Variants in SOX5 observed in about 807,000 individuals in gnomAD.
The protein encoded by SOX5 is transcription factor SOX-5.
SOX5 carries 9 observed loss-of-function variants against 92.0 expected under a neutral mutation model. That is an observed-to-expected ratio of 0.10 (90% confidence interval 0.06 to 0.17). The LOEUF (loss-of-function observed/expected upper bound fraction) is 0.17. Among genes scored for constraint, SOX5 ranks in the 10% least tolerant of loss-of-function variants. The probability of loss-of-function intolerance (pLI) is 1.00; values close to 1 mark genes in which losing one functional copy is unlikely to be tolerated. For synonymous variants in SOX5, 344 were observed against 336.3 expected (o/e 1.02, Z -0.25); for missense variants, 642 against 944.5 (o/e 0.68, Z 4.20).
At chr12:24,443,998 G>A (rs1056323176) in intron 1 of SOX5, among the ~76,000 whole-genome samples, 9 of 152,132 alleles carry the variant, frequency 5.9e-5, no homozygotes, top group South Asian at 2.1e-4. Context: ...TTAAACTAGC[G>A]TTTACCTACC....
chr12:23,872,467 G>A (rs1568512930), intron 2 of SOX5, among the ~76,000 whole-genome samples: 1 of 151,990 alleles, frequency 6.6e-6, no homozygotes, highest in African/African-American at 2.4e-5. Context: ...AAGTTATGGT[G>A]TCATTAAAAG....
At chr12:24,302,791 T>TA (rs760737002) in intron 2 of SOX5, among the ~76,000 whole-genome samples, 1 of 152,102 alleles carries the variant, frequency 6.6e-6, no homozygotes, top group Non-Finnish European at 1.5e-5. Context: ...ATATGAATGA[T>TA]TAACTAGGGA....
At chr12:24,053,187 C>CTT (rs771748600) in intron 4 of SOX5, among the ~76,000 whole-genome samples, 1 of 143,216 alleles carries the variant, frequency 7.0e-6, no homozygotes. Context: ...CGCCCCCCCC[C>CTT]TTTTTTTTTT....
At chr12:23,574,830 T>C (rs1948877425) in intron 10 of SOX5, among the ~76,000 whole-genome samples, 1 of 152,178 alleles carries the variant, frequency 6.6e-6, no homozygotes, top group African/African-American at 2.4e-5. Context: ...TTAGGATATA[T>C]CTAACTCATA....
intron 2 of SOX5, among the ~76,000 whole-genome samples, chr12:24,333,851 T>TAAAAAAAAA (rs5797076): frequency 7.2e-6 from 1 of 138,506 alleles, no homozygotes; most frequent in African/African-American, 2.6e-5. Context: ...TTCACCAAGT[T>TAAAAAAAAA]AAAAAAAAAA....
intron 4 of SOX5, among the ~76,000 whole-genome samples, chr12:24,088,580 T>C (rs1944284491): frequency 6.6e-6 from 1 of 151,962 alleles, no homozygotes; most frequent in Non-Finnish European, 1.5e-5. Context: ...AGATCTGATA[T>C]TAATGAAGAT....
At position 24,281,122 on chromosome 12, in the gene SOX5, G is replaced by A. The variant is rs532002562; in HGVS notation, c.-173-3810C>T. Among the ~76,000 whole-genome samples, 10 of 144,960 alleles carry A rather than the reference G, an allele frequency of 6.9e-5. No individual in the cohort carries two copies. In the East Asian group the frequency reaches 2.0e-3, roughly 29 times the overall value. ...AAATAGAAAAGAGAATAATGAGTAA[G>A]AAAACAAACTTTAAAACAGATAGTT... On this transcript the variant is annotated intron_variant, in intron 2 of 4. Coordinates refer to the SOX5 transcript ENST00000446891.
At chr12:24,535,646 C>T (rs1418400384) in intron 1 of SOX5, among the ~76,000 whole-genome samples, 1 of 152,174 alleles carries the variant, frequency 6.6e-6, no homozygotes, top group African/African-American at 2.4e-5. Context: ...TTTGTATTTA[C>T]AGCTGGGTAA....
intron 7 of SOX5, among the ~76,000 whole-genome samples, chr12:23,661,448 A>C (rs2083040333): frequency 6.6e-6 from 1 of 152,170 alleles, no homozygotes; most frequent in Non-Finnish European, 1.5e-5. Flanking sequence ...CTAACCTTAT[A>C]TCCATCAACC....
At chr12:24,294,405 A>C (rs1279927129) in intron 2 of SOX5, among the ~76,000 whole-genome samples, 1 of 152,142 alleles carries the variant, frequency 6.6e-6, no homozygotes, top group Non-Finnish European at 1.5e-5. Context: ...AATCTCAAAT[A>C]TAATACACTC....
intron 3 of SOX5, among the ~76,000 whole-genome samples, chr12:23,805,658 T>G (rs1022600687): frequency 6.6e-6 from 1 of 152,098 alleles, no homozygotes; most frequent in Non-Finnish European, 1.5e-5. Context: ...TATACAAATA[T>G]ATATGGCCAA....
At chr12:23,995,714 G>C (rs1569442860) in intron 4 of SOX5, among the ~76,000 whole-genome samples, 1 of 152,034 alleles carries the variant, frequency 6.6e-6, no homozygotes, top group Admixed American at 6.6e-5. Flanking sequence ...AAATTTTTTT[G>C]AGTCCTAAAA....
At chr12:24,243,036 TAAAC>T (rs1311892179) in intron 3 of SOX5, among the ~76,000 whole-genome samples, 2 of 152,172 alleles carry the variant, frequency 1.3e-5, no homozygotes, top group African/African-American at 2.4e-5. Context: ...AAGAGGATAT[TAAAC>T]AAACTGTTAA....
intron 3 of SOX5, among the ~76,000 whole-genome samples, chr12:24,226,540 G>A (rs973187227): frequency 2.6e-5 from 4 of 151,838 alleles, no homozygotes; most frequent in African/African-American, 7.3e-5. Flanking sequence ...GCACGATCTC[G>A]GCTTACTGCA....
chr12:24,044,968 G>C (rs566736454), intron 4 of SOX5, among the ~76,000 whole-genome samples: 3 of 152,208 alleles, frequency 2.0e-5, no homozygotes, highest in Non-Finnish European at 2.9e-5. Context: ...TTTTGGATCT[G>C]AGGTGAACAT....
intron 6 of SOX5, among the ~76,000 whole-genome samples, chr12:23,707,170 C>T (rs1269767437): frequency 6.6e-6 from 1 of 152,132 alleles, no homozygotes; most frequent in Non-Finnish European, 1.5e-5. Context: ...CTGTAGTCAC[C>T]TTGCATGTGC....
rs1164391418 is a variant in SOX5 at position 24,376,690 on chromosome 12, C to CT, written c.-250-8052dup. On this transcript the variant is annotated intron_variant, in intron 1 of 4. Coordinates refer to the SOX5 transcript ENST00000446891. The stretch of plus-strand genomic sequence containing the variant: ...CAGAATGATGCTATGGGAGAGATAC[C>CT]TTTTTTTTTTTTTTTTTTTTTTTTT... 2.2e-3 allele frequency among the ~76,000 whole-genome samples: 158 copies of CT among 70,606 alleles called. 26 individuals carry two copies. Among genetic ancestry groups the CT allele is most frequent in the African/African-American group, 4.8e-3 (85 of 17,746 alleles). The allele number at this position is 70,606 out of a possible 152,430, so 46.3% of individuals were successfully genotyped here. A position where few individuals can be genotyped will look rare whatever the true frequency, so the allele number is the denominator to read the frequency against.
At chr12:23,683,915 T>A (rs1186527828) in intron 6 of SOX5, among the ~76,000 whole-genome samples, 2 of 151,646 alleles carry the variant, frequency 1.3e-5, no homozygotes, top group Non-Finnish European at 2.9e-5. Flanking sequence ...GAGTTAAAAA[T>A]ATTGAAGTTA....
chr12:23,840,154 T>C (rs1370497057), intron 3 of SOX5, among the ~76,000 whole-genome samples: 2 of 152,064 alleles, frequency 1.3e-5, no homozygotes, highest in African/African-American at 4.8e-5. Flanking sequence ...AAGGGGAATA[T>C]ACTACAGTCA....
Sources: gnomAD v4.1 joint callset for allele counts (sites outside exome capture counted in the v4.1 genomes callset) on GRCh38, gnomAD v4.1.1 for gene constraint, MANE v1.5 for transcripts, NCBI Gene and HGNC (gene_info 2026-07-23, HGNC 2026-07-21) for gene names.